ARHGAP15: variants seen among roughly 807,000 people sequenced by gnomAD.
ARHGAP15 encodes the protein rho GTPase-activating protein 15.
A neutral mutation model predicts 63.7 loss-of-function variants in ARHGAP15; 51 were observed. That is an observed-to-expected ratio of 0.80 (90% confidence interval 0.64 to 1.01). ARHGAP15 has a LOEUF of 1.01. Among genes scored for constraint, ARHGAP15 ranks in the 50% least tolerant of loss-of-function variants. ARHGAP15 has a pLI of 0.00. For synonymous variants in ARHGAP15, 191 were observed against 193.8 expected, an observed-to-expected ratio of 0.99 and a Z score of 0.12; for missense variants, 560 against 564.6, an observed-to-expected ratio of 0.99 and a Z score of 0.08.
intron 13 of ARHGAP15, among the ~76,000 whole-genome samples, chr2:143,728,704 CAGTA>C (rs912229045): frequency 2.6e-5 from 4 of 152,246 alleles, no homozygotes; most frequent in East Asian, 1.9e-4. Flanking sequence ...TTCCTGTGTA[CAGTA>C]AGTGTTACCA....
intron 1 of ARHGAP15, among the ~76,000 whole-genome samples, chr2:143,148,052 G>T (rs147482082): frequency 3.9e-5 from 6 of 152,018 alleles, no homozygotes; most frequent in Non-Finnish European, 8.8e-5. Flanking sequence ...AAATAACCAG[G>T]TTCTCCTAAG....
chr2:143,274,483 T>C (rs956765371), intron 6 of ARHGAP15, among the ~76,000 whole-genome samples: 4 of 152,250 alleles, frequency 2.6e-5, no homozygotes, highest in Non-Finnish European at 1.5e-5. Context: ...TTCTGTTCAA[T>C]AGACCTTTGA....
intron 12 of ARHGAP15, among the ~76,000 whole-genome samples, chr2:143,697,578 A>G (rs1025089204): frequency 6.6e-6 from 1 of 152,080 alleles, no homozygotes; most frequent in Non-Finnish European, 1.5e-5. Context: ...GGATATACCG[A>G]TTTTCTTATT....
At chr2:143,619,649 C>T (rs539882486) in intron 11 of ARHGAP15, among the ~76,000 whole-genome samples, 6 of 152,036 alleles carry the variant, frequency 3.9e-5, no homozygotes, top group Non-Finnish European at 7.4e-5. Flanking sequence ...AATTGTAATC[C>T]CCAATGTTGG....
intron 6 of ARHGAP15, among the ~76,000 whole-genome samples, chr2:143,330,222 G>T (rs1209148351): frequency 6.8e-6 from 1 of 147,338 alleles, no homozygotes; most frequent in Non-Finnish European, 1.5e-5. Context: ...TCAAAAGCAA[G>T]ACAGAAGAGT....
At chr2:143,393,526 G>T (rs1475248266) in intron 6 of ARHGAP15, among the ~76,000 whole-genome samples, 3 of 152,046 alleles carry the variant, frequency 2.0e-5, no homozygotes, top group Non-Finnish European at 4.4e-5. Flanking sequence ...GAAGTCAGGA[G>T]ATCAAGACGA....
intron 6 of ARHGAP15, among the ~76,000 whole-genome samples, chr2:143,364,182 C>CA (rs1304515642): frequency 1.4e-5 from 2 of 146,020 alleles, no homozygotes; most frequent in Admixed American, 6.8e-5. Flanking sequence ...GAAACAGTAG[C>CA]AAAAAAACAA....
intron 10 of ARHGAP15, among the ~76,000 whole-genome samples, chr2:143,531,747 CATA>C (rs940655027): frequency 6.6e-6 from 1 of 152,154 alleles, no homozygotes; most frequent in African/African-American, 2.4e-5. Context: ...ATTAAGCACT[CATA>C]ATGTTAGTGC....
intron 10 of ARHGAP15, among the ~76,000 whole-genome samples, chr2:143,535,932 A>T (rs1694734991): frequency 6.6e-6 from 1 of 152,190 alleles, no homozygotes; most frequent in Non-Finnish European, 1.5e-5. Context: ...GTTTTTTTTA[A>T]ATTTGTGGAT....
At chr2:143,496,392 G>A (rs1356120252) in intron 9 of ARHGAP15, among the ~76,000 whole-genome samples, 1 of 152,146 alleles carries the variant, frequency 6.6e-6, no homozygotes, top group African/African-American at 2.4e-5. Context: ...GAGAAAATGA[G>A]GTTCAGAAAT....
intron 5 of ARHGAP15, among the ~76,000 whole-genome samples, chr2:143,239,324 A>G (rs1181324381): frequency 6.6e-6 from 1 of 152,196 alleles, no homozygotes; most frequent in Admixed American, 6.5e-5. Context: ...TTAAAATATA[A>G]TCAGTGATTT....
intron 8 of ARHGAP15, among the ~76,000 whole-genome samples, chr2:143,470,540 A>T (rs1321730107): frequency 1.3e-5 from 2 of 150,582 alleles, no homozygotes; most frequent in African/African-American, 2.4e-5. Context: ...ATATATATAT[A>T]TATTTCATTC....
intron 11 of ARHGAP15, among the ~76,000 whole-genome samples, chr2:143,589,824 C>T (rs1451187671): frequency 6.6e-6 from 1 of 152,124 alleles, no homozygotes; most frequent in Non-Finnish European, 1.5e-5. Context: ...ATCCATTAAA[C>T]ATAAAGTGAA....
At chr2:143,695,611 G>C (rs764344880) in intron 12 of ARHGAP15, among the ~76,000 whole-genome samples, 1 of 152,136 alleles carries the variant, frequency 6.6e-6, no homozygotes, top group Non-Finnish European at 1.5e-5. Flanking sequence ...GCTCATGTCT[G>C]TATCCCAACA....
intron 8 of ARHGAP15, among the ~76,000 whole-genome samples, chr2:143,448,377 T>C (rs909284375): frequency 3.9e-5 from 6 of 152,020 alleles, no homozygotes; most frequent in African/African-American, 1.4e-4. Flanking sequence ...AGAGTAATAA[T>C]TTTGGGGAAA....
chr2:143,705,596 C>T (rs1684293143), intron 13 of ARHGAP15, among the ~76,000 whole-genome samples: 1 of 152,170 alleles, frequency 6.6e-6, no homozygotes, highest in South Asian at 2.1e-4. Flanking sequence ...CAAGTAAATA[C>T]TGGAGTGCTT....
chr2:143,146,249 C>T (rs1164348479), intron 1 of ARHGAP15, among the ~76,000 whole-genome samples: 3 of 151,856 alleles, frequency 2.0e-5, no homozygotes, highest in Non-Finnish European at 4.4e-5. Context: ...TAAATAACTC[C>T]TATAAATCAG....
In ARHGAP15 at chr2:143,768,098, A is replaced by T; in HGVS notation, c.1354A>T (p.Met452Leu). 1 of 1,613,858 alleles carries T rather than the reference A, an allele frequency of 6.2e-7. No homozygotes were observed. Among genetic ancestry groups the T allele is most frequent in the African/African-American group, 1.3e-5 (1 of 75,010 alleles). Residue 452 changes from methionine to leucine, a missense_variant, in exon 14 of 14, where the codon ATG becomes TTG. Met to Leu is a conservative substitution (Grantham distance 15, BLOSUM62 2). Coordinates refer to ENST00000295095, the MANE Select transcript of ARHGAP15 (RefSeq NM_018460.4). ...TGAAACAGGAAACATGGCGATCCACATGGTCTACCAGAACCAGATAGCTGA... is the reference window on the plus strand; with the variant it reads ...TGAAACAGGAAACATGGCGATCCACTTGGTCTACCAGAACCAGATAGCTGA... ...ENETGNMAIH[M>L]VYQNQIAELM...
intron 11 of ARHGAP15, among the ~76,000 whole-genome samples, chr2:143,579,706 G>GC (rs1553506613): frequency 1.3e-5 from 2 of 151,606 alleles, no homozygotes; most frequent in East Asian, 3.9e-4. Context: ...GGGAAGAATA[G>GC]TGCTGATCAT....
Sources: gnomAD v4.1 joint callset for allele counts (sites outside exome capture counted in the v4.1 genomes callset) on GRCh38, gnomAD v4.1.1 for gene constraint, MANE v1.5 for transcripts, NCBI Gene and HGNC (gene_info 2026-07-23, HGNC 2026-07-21) for gene names.